MYH10: variants seen among roughly 807,000 people sequenced by gnomAD.
MYH10 encodes myosin-10.
In MYH10, 55 loss-of-function variants were observed where a neutral mutation model predicts 257.8. The ratio of observed to expected loss-of-function variants is 0.21; its 90% CI spans 0.17 to 0.27. The LOEUF (loss-of-function observed/expected upper bound fraction) is 0.27. Among genes scored for constraint, MYH10 ranks in the 10% least tolerant of loss-of-function variants. MYH10 has a pLI of 1.00. For synonymous variants in MYH10, 854 were observed against 921.7 expected (o/e 0.93, Z 1.33); for missense variants, 1,631 against 2,500.6 (o/e 0.65, Z 7.42).
At chr17:8,553,896 G>T in intron 8 of MYH10, 59 bp downstream of exon 8, 1 of 1,385,586 alleles carries the variant, frequency 7.2e-7, no homozygotes, top group Non-Finnish European at 1.0e-6. Flanking sequence ...GTTGCCATGG[G>T]GTTGTAGGAA....
At chr17:8,514,140 C>T (rs1327050966) in intron 21 of MYH10, among the ~76,000 whole-genome samples, 2 of 152,172 alleles carry the variant, frequency 1.3e-5, no homozygotes, top group Non-Finnish European at 1.5e-5. Flanking sequence ...TCTTCAGGGA[C>T]GCTGCCCTGC....
At chr17:8,548,605 G>A in intron 10 of MYH10, 39 bp downstream of exon 10, 2 of 1,608,472 alleles carry the variant, frequency 1.2e-6, no homozygotes, top group Non-Finnish European at 1.7e-6. Flanking sequence ...ATAAGTCTTA[G>A]GAAAGTGAGT....
Position 8,587,945 on chromosome 17 carries a change from T to C in MYH10, c.530+1136A>G, listed in dbSNP as rs756798717. On this transcript the variant is annotated intron_variant, in intron 4 of 42. Transcript: ENST00000360416. ...CTATCCCCAGTCCACTCCAGCACCC[T>C]CCACTCTCTATTGCTGGGTCCAGTG... Among the ~76,000 whole-genome samples, 3 of 152,036 alleles carry C rather than the reference T, an allele frequency of 2.0e-5. No individual in the cohort carries two copies. The South Asian group carries it at 6.2e-4, about 32-fold the overall frequency.
chr17:8,513,471 T>G (rs998198448), intron 23 of MYH10, 67 bp downstream of exon 23: 25 of 1,581,636 alleles, frequency 1.6e-5, no homozygotes, highest in Admixed American at 7.3e-5. Context: ...TGTGTCGGGG[T>G]TGCTACCAGT....
intron 26 of MYH10, among the ~76,000 whole-genome samples, chr17:8,507,866 G>C (rs2081124514): frequency 6.6e-6 from 1 of 152,110 alleles, no homozygotes; most frequent in Admixed American, 6.5e-5. Context: ...CCGCTACTTG[G>C]GAGGCTGAGG....
chr17:8,583,046 G>A (rs4239096), intron 4 of MYH10, among the ~76,000 whole-genome samples: 104,717 of 152,028 alleles, frequency 0.69, 36,130 homozygotes, highest in East Asian at 0.77. Flanking sequence ...TCTTTAGAGA[G>A]CAGCTTACTG....
chr17:8,616,200 C>T (rs558372456), intron 2 of MYH10, among the ~76,000 whole-genome samples: 1 of 152,064 alleles, frequency 6.6e-6, no homozygotes, highest in South Asian at 2.1e-4. Flanking sequence ...GGAGGATCGC[C>T]TGAGCCCAGG....
intron 8 of MYH10, 82 bp downstream of exon 8, chr17:8,553,873 G>T: frequency 9.1e-7 from 1 of 1,096,146 alleles, no homozygotes. Context: ...TTTTGGGAGT[G>T]ATATCACAGA....
intron 13 of MYH10, among the ~76,000 whole-genome samples, chr17:8,542,741 C>A (rs2082323809): frequency 6.6e-6 from 1 of 152,198 alleles, no homozygotes; most frequent in African/African-American, 2.4e-5. Flanking sequence ...GCATTTGGTT[C>A]TGTCCCACTC....
intron 21 of MYH10, 57 bp downstream of exon 21, chr17:8,518,574 G>A: frequency 6.4e-7 from 1 of 1,551,574 alleles, no homozygotes; most frequent in Non-Finnish European, 8.8e-7. Context: ...AAAATGCAAT[G>A]CTTATCTAGC....
chr17:8,630,265 C>T (rs73238724), intron 1 of MYH10, among the ~76,000 whole-genome samples: 11,183 of 150,520 alleles, frequency 0.074, 1,052 homozygotes, highest in African/African-American at 0.22. Flanking sequence ...CCCCAGGGAT[C>T]CCACCCACCG....
intron 31 of MYH10, 130 bp from the exon 32 acceptor site, chr17:8,494,015 AAC>A (rs1916180512): frequency 1.0e-6 from 1 of 980,002 alleles, no homozygotes; most frequent in Non-Finnish European, 1.5e-6. Flanking sequence ...GACATTAACA[AAC>A]ACAGATGATT....
At position 8,601,035 on chromosome 17, in the gene MYH10, C is replaced by A. The variant is rs189969172; in HGVS notation, c.502+3791G>T. ...GACTGGAAACACAGTGAATTTCATT[C>A]CAGGATTCCATGAAGATGGTGGACT... On this transcript the variant is annotated intron_variant, in intron 3 of 42. Transcript: ENST00000360416. Among the ~76,000 whole-genome samples the A allele has an allele frequency of 5.7e-4, 87 of 152,272 alleles. 1 individual carries two copies. The Middle Eastern group carries it at 0.01, about 18-fold the overall frequency.
chr17:8,571,824 C>G (rs186783490), intron 6 of MYH10, among the ~76,000 whole-genome samples: 5 of 151,994 alleles, frequency 3.3e-5, no homozygotes, highest in African/African-American at 7.3e-5. Context: ...CTTCCTCCAC[C>G]CCCCCGGGGT....
intron 3 of MYH10, among the ~76,000 whole-genome samples, chr17:8,592,983 A>C (rs2084230495): frequency 7.5e-6 from 1 of 134,136 alleles, no homozygotes; most frequent in African/African-American, 2.7e-5. Flanking sequence ...AAGATGATGC[A>C]CAGAAAGAAC....
At chr17:8,492,232 T>A in intron 34 of MYH10, 65 bp downstream of exon 34, 1 of 1,505,206 alleles carries the variant, frequency 6.6e-7, no homozygotes, top group Non-Finnish European at 9.1e-7. Flanking sequence ...CCCGCTCCTG[T>A]GTGAAGGCCC....
chr17:8,603,733 C>T (rs1437753980), intron 3 of MYH10, among the ~76,000 whole-genome samples: 2 of 152,036 alleles, frequency 1.3e-5, no homozygotes, highest in Admixed American at 1.3e-4. Flanking sequence ...TTTCACAGTC[C>T]TAGCCATTTC....
chr17:8,513,263 G>A (rs1315984458), intron 23 of MYH10, among the ~76,000 whole-genome samples: 1 of 152,218 alleles, frequency 6.6e-6, no homozygotes, highest in Non-Finnish European at 1.5e-5. Context: ...GAAAACAGGT[G>A]TTAAGTACAT....
chr17:8,579,777 C>T (rs2083634602), intron 4 of MYH10, among the ~76,000 whole-genome samples: 1 of 152,154 alleles, frequency 6.6e-6, no homozygotes, highest in Non-Finnish European at 1.5e-5. Context: ...TTTATATCAT[C>T]TGTATTATTA....
Sources: allele counts gnomAD v4.1 joint callset (sites outside exome capture counted in the v4.1 genomes callset), GRCh38; gene constraint gnomAD v4.1.1; transcripts MANE v1.5; gene names NCBI Gene and HGNC (gene_info 2026-07-23, HGNC 2026-07-21).